The following SH3RF1 variants were observed in gnomAD, a reference collection of about 807,000 sequenced individuals.
SH3RF1 encodes E3 ubiquitin-protein ligase SH3RF1.
Under a neutral mutation model 74.0 loss-of-function variants are expected in SH3RF1, and 32 were observed. That is an observed-to-expected ratio of 0.43 (90% CI 0.33 to 0.58). SH3RF1 has a LOEUF of 0.58. SH3RF1 is among the 20% of genes least tolerant of loss of function. The pLI is 0.05. For synonymous variants in SH3RF1, 396 were observed against 439.6 expected, an observed-to-expected ratio of 0.90 and a Z score of 1.24; for missense variants, 954 against 1,130.9, an observed-to-expected ratio of 0.84 and a Z score of 2.24.
intron 11 of SH3RF1, among the ~76,000 whole-genome samples, chr4:169,101,361 C>A (rs1733028748): frequency 6.6e-6 from 1 of 152,152 alleles, no homozygotes; most frequent in South Asian, 2.1e-4. Context: ...GCTGCATGCA[C>A]ACAGAAGGAA....
chr4:169,249,017 G>A (rs1302543441), intron 2 of SH3RF1, among the ~76,000 whole-genome samples: 5 of 152,180 alleles, frequency 3.3e-5, no homozygotes, highest in African/African-American at 1.2e-4. Context: ...CACGAGGTCA[G>A]GAGATCGAGA....
chr4:169,135,451 T>G (rs2126953850), intron 5 of SH3RF1, among the ~76,000 whole-genome samples: 1 of 152,288 alleles, frequency 6.6e-6, no homozygotes, highest in East Asian at 1.9e-4. Flanking sequence ...AAATTCCTTC[T>G]GCTTGTGACA....
intron 2 of SH3RF1, among the ~76,000 whole-genome samples, chr4:169,227,228 A>G (rs1205577956): frequency 6.6e-6 from 1 of 152,178 alleles, no homozygotes; most frequent in African/African-American, 2.4e-5. Flanking sequence ...AATGATAAGA[A>G]TGGGAAATAA....
intron 2 of SH3RF1, among the ~76,000 whole-genome samples, chr4:169,251,874 G>C (rs1410240176): frequency 6.6e-6 from 1 of 152,168 alleles, no homozygotes; most frequent in Non-Finnish European, 1.5e-5. Flanking sequence ...TAACAAAACT[G>C]TGATATCATT....
At chr4:169,180,249 G>A (rs1734485733) in intron 2 of SH3RF1, among the ~76,000 whole-genome samples, 1 of 117,690 alleles carries the variant, frequency 8.5e-6, no homozygotes, top group African/African-American at 2.6e-5. Flanking sequence ...GAATAAAGAG[G>A]TATAGAAAAG....
At chr4:169,146,535 T>C (rs905529241) in intron 4 of SH3RF1, among the ~76,000 whole-genome samples, 6 of 152,044 alleles carry the variant, frequency 3.9e-5, no homozygotes, top group Non-Finnish European at 5.9e-5. Context: ...CTAAAAAATA[T>C]ATTTTTAAAA....
At chr4:169,244,393 T>C (rs2110737927) in intron 2 of SH3RF1, among the ~76,000 whole-genome samples, 1 of 120,550 alleles carries the variant, frequency 8.3e-6, no homozygotes, top group East Asian at 2.5e-4. Context: ...CCTGCTGCTT[T>C]TGTAAAAGCT....
At chr4:169,177,956 A>G (rs1220886962) in intron 2 of SH3RF1, among the ~76,000 whole-genome samples, 1 of 152,076 alleles carries the variant, frequency 6.6e-6, no homozygotes, top group Admixed American at 6.6e-5. Context: ...CCTTGAGAGT[A>G]AAAAAGAACT....
chr4:169,251,910 C>A (rs187218662), intron 2 of SH3RF1, among the ~76,000 whole-genome samples: 1 of 152,170 alleles, frequency 6.6e-6, no homozygotes, highest in Non-Finnish European at 1.5e-5. Context: ...AAAGAAAAGC[C>A]TTGCATATTC....
At chr4:169,149,678 C>A (rs1053631364) in intron 4 of SH3RF1, among the ~76,000 whole-genome samples, 2 of 152,178 alleles carry the variant, frequency 1.3e-5, no homozygotes, top group Non-Finnish European at 2.9e-5. Context: ...TACCCACAAT[C>A]TCCCTAAATT....
At chr4:169,214,690 T>C (rs1579142390) in intron 2 of SH3RF1, among the ~76,000 whole-genome samples, 4 of 152,308 alleles carry the variant, frequency 2.6e-5, no homozygotes, top group East Asian at 1.9e-4. Flanking sequence ...TGTGTATATA[T>C]ATATAAGTAT....
intron 2 of SH3RF1, among the ~76,000 whole-genome samples, chr4:169,217,030 G>A (rs953579665): frequency 4.0e-5 from 6 of 149,922 alleles, no homozygotes; most frequent in Admixed American, 3.3e-4. Flanking sequence ...AGGTGTGGTG[G>A]TACATGTCTG....
chr4:169,109,075 C>G (rs928746509), intron 10 of SH3RF1, among the ~76,000 whole-genome samples: 3 of 152,230 alleles, frequency 2.0e-5, no homozygotes, highest in African/African-American at 7.2e-5. Flanking sequence ...AGCCTGAGGT[C>G]TGGAAGGCCA....
At chr4:169,246,199 TTC>T (rs1730992864) in intron 2 of SH3RF1, among the ~76,000 whole-genome samples, 1 of 152,190 alleles carries the variant, frequency 6.6e-6, no homozygotes, top group Admixed American at 6.5e-5. Flanking sequence ...ATCAAATTAT[TTC>T]AGAATATTTG....
At chr4:169,118,463 G>T (rs932143170) in intron 8 of SH3RF1, among the ~76,000 whole-genome samples, 2 of 152,050 alleles carry the variant, frequency 1.3e-5, no homozygotes, top group South Asian at 2.1e-4. Flanking sequence ...ATTATTAGTA[G>T]TAGTAGTATT....
In SH3RF1 at chr4:169,136,539, C is replaced by T. The variant is rs776094978; in HGVS notation, c.847G>A (p.Ala283Thr). The T allele has an allele frequency of 2.3e-5, 37 of 1,608,472 alleles. No homozygotes were observed. Among genetic ancestry groups the T allele is most frequent in the Non-Finnish European group, 2.9e-5 (34 of 1,177,888 alleles). The stretch of plus-strand genomic sequence containing the variant: ...TTTGGGGCAGTGCTGCTCTGGGCTG[C>T]TGCCGAGGAACATTCTCCAGCATCA... Reference protein sequence around the residue: ...GVDAGECSSAAAQSSTAPKHS... With the variant: ...GVDAGECSSATAQSSTAPKHS... The change falls in exon 5 of 12, where the codon GCA becomes ACA. Residue 283 changes from alanine to threonine, a missense_variant. Ala to Thr is a moderately conservative substitution (Grantham distance 58, BLOSUM62 0). Around this residue, in one of 3 missense-constraint regions of SH3RF1, gnomAD observed 854 missense variants for 962.5 expected, o/e 0.89. Coordinates refer to ENST00000284637, the MANE Select transcript of SH3RF1 (RefSeq NM_020870.4).
rs58906071 is a variant in SH3RF1, at chr4:169,122,162, C to T, written c.1284G>A (p.Pro428=). The T allele has an allele frequency of 2.6e-3, 4,127 of 1,613,352 alleles. 72 individuals are homozygous for T. The African/African-American group carries it at 0.048, about 19-fold the overall frequency. The change falls in exon 7 of 12, where the codon CCG becomes CCA. Residue 428 remains proline (P), a synonymous_variant. Transcript: ENST00000284637. ...GGTCAGTGGATCCTGCCATGGGCCT[C>T]GGTCCCATTCCAGCAGCAGCAGCAG... ...TAAAAAAGMG[P]RPMAGSTDQI...
intron 2 of SH3RF1, among the ~76,000 whole-genome samples, chr4:169,205,927 G>A (rs1378619271): frequency 1.3e-5 from 2 of 152,104 alleles, no homozygotes; most frequent in African/African-American, 4.8e-5. Context: ...TGGCTCATTG[G>A]GGACATTTAC....
chr4:169,260,495 C>T (rs1579168470), intron 2 of SH3RF1, among the ~76,000 whole-genome samples: 1 of 152,122 alleles, frequency 6.6e-6, no homozygotes, highest in Non-Finnish European at 1.5e-5. Context: ...GCAGCTGATG[C>T]AAAAGCCAGG....
Sources: allele counts gnomAD v4.1 joint callset (sites outside exome capture counted in the v4.1 genomes callset), GRCh38; gene constraint gnomAD v4.1.1; regional missense constraint gnomAD v4.1.1; transcripts MANE v1.5; gene names NCBI Gene and HGNC (gene_info 2026-07-23, HGNC 2026-07-21).